LCLAT1: variants seen among roughly 807,000 people sequenced by gnomAD.
LCLAT1 encodes the protein lysocardiolipin acyltransferase 1, also known as 1-AGP acyltransferase 8.
LCLAT1 carries 11 observed loss-of-function variants against 30.7 expected under a neutral mutation model. The ratio of observed to expected loss-of-function variants is 0.36; its 90% CI spans 0.23 to 0.59. The LOEUF is 0.59. Ranked by LOEUF, LCLAT1 falls within the 20% of genes least tolerant of loss-of-function variation. LCLAT1 has a pLI of 0.77. For synonymous variants in LCLAT1, 155 were observed against 151.3 expected (o/e 1.02, Z -0.18); for missense variants, 402 against 458.6 (o/e 0.88, Z 1.13).
intron 1 of LCLAT1, among the ~76,000 whole-genome samples, chr2:30,475,885 A>G (rs942340677): frequency 1.3e-5 from 2 of 152,170 alleles, no homozygotes; most frequent in African/African-American, 2.4e-5. Flanking sequence ...TTCTCTCTCT[A>G]TAAGTGTTCA....
At chr2:30,619,228 T>A (rs1249860434) in intron 5 of LCLAT1, among the ~76,000 whole-genome samples, 1 of 152,176 alleles carries the variant, frequency 6.6e-6, no homozygotes, top group African/African-American at 2.4e-5. Flanking sequence ...TTATAGACAC[T>A]AGAACTAGAT....
intron 1 of LCLAT1, among the ~76,000 whole-genome samples, chr2:30,462,138 TA>T (rs988711523): frequency 3.3e-5 from 5 of 152,314 alleles, no homozygotes; most frequent in African/African-American, 1.2e-4. Flanking sequence ...TACTGTAGGA[TA>T]AAACCCATTA....
chr2:30,462,067 C>T (rs962958327), intron 1 of LCLAT1, among the ~76,000 whole-genome samples: 5 of 152,246 alleles, frequency 3.3e-5, no homozygotes, highest in African/African-American at 4.8e-5. Flanking sequence ...CCACCGCGCC[C>T]GGCCTAAATT....
At chr2:30,604,504 A>G (rs1435297884) in intron 5 of LCLAT1, among the ~76,000 whole-genome samples, 1 of 152,104 alleles carries the variant, frequency 6.6e-6, no homozygotes, top group African/African-American at 2.4e-5. Context: ...AACTTTATTT[A>G]TGGACATTGA....
chr2:30,570,501 A>G (rs1430222219), intron 5 of LCLAT1, among the ~76,000 whole-genome samples: 1 of 152,222 alleles, frequency 6.6e-6, no homozygotes, highest in East Asian at 1.9e-4. Context: ...TGTACATGGT[A>G]GTTATAAATA....
At chr2:30,512,572 C>G (rs1204876110) in intron 1 of LCLAT1, among the ~76,000 whole-genome samples, 1 of 152,168 alleles carries the variant, frequency 6.6e-6, no homozygotes, top group Non-Finnish European at 1.5e-5. Context: ...TACTATGCCC[C>G]TCTGTTGAAA....
chr2:30,639,375 C>G (rs1296435486), intron 5 of LCLAT1, among the ~76,000 whole-genome samples: 1 of 27,266 alleles, frequency 3.7e-5, no homozygotes, highest in Non-Finnish European at 6.4e-5. Flanking sequence ...ATCTAGCACT[C>G]TGGCCTGTTT....
chr2:30,498,318 C>T (rs1205574305), intron 1 of LCLAT1, among the ~76,000 whole-genome samples: 1 of 152,160 alleles, frequency 6.6e-6, no homozygotes, highest in Non-Finnish European at 1.5e-5. Context: ...AGGCTAGGCC[C>T]AGGACCTTGG....
chr2:30,565,233 G>A (rs927340265), intron 4 of LCLAT1, among the ~76,000 whole-genome samples: 28 of 152,246 alleles, frequency 1.8e-4, no homozygotes, highest in African/African-American at 6.5e-4. Context: ...GTAGGGTAGG[G>A]TGGCAGAGTG....
chr2:30,493,879 C>T (rs375668105), intron 1 of LCLAT1, among the ~76,000 whole-genome samples: 1 of 152,018 alleles, frequency 6.6e-6, no homozygotes, highest in African/African-American at 2.4e-5. Context: ...TTTGACTGGG[C>T]GAAGTGGCTC....
At chr2:30,501,736 C>T (rs1226624448) in intron 1 of LCLAT1, among the ~76,000 whole-genome samples, 4 of 152,084 alleles carry the variant, frequency 2.6e-5, no homozygotes, top group Non-Finnish European at 5.9e-5. Context: ...ATTACTTGTC[C>T]AGTCAAATCA....
chr2:30,544,629 C>T (rs991471837), intron 3 of LCLAT1, among the ~76,000 whole-genome samples: 1 of 152,076 alleles, frequency 6.6e-6, no homozygotes, highest in African/African-American at 2.4e-5. Flanking sequence ...GGGCTAGAGT[C>T]CTTCTCAACT....
intron 5 of LCLAT1, among the ~76,000 whole-genome samples, chr2:30,598,409 ATTTTCT>A (rs1253165851): frequency 2.7e-4 from 35 of 129,340 alleles, no homozygotes; most frequent in Non-Finnish European, 4.6e-4. Flanking sequence ...TTTCTTCTAG[ATTTTCT>A]TTTTTTTTTT....
At chr2:30,453,190 T>C (rs1681649886) in intron 1 of LCLAT1, among the ~76,000 whole-genome samples, 2 of 152,126 alleles carry the variant, frequency 1.3e-5, no homozygotes, top group African/African-American at 4.8e-5. Flanking sequence ...GGATAGCATG[T>C]TGTTGAGCTG....
intron 5 of LCLAT1, among the ~76,000 whole-genome samples, chr2:30,585,949 G>A (rs1160323771): frequency 6.6e-6 from 1 of 152,044 alleles, no homozygotes; most frequent in Non-Finnish European, 1.5e-5. Context: ...CATAAACTAG[G>A]TTGCTTAAAA....
chr2:30,588,032 A>G (rs1017522462), intron 5 of LCLAT1, among the ~76,000 whole-genome samples: 2 of 152,204 alleles, frequency 1.3e-5, no homozygotes, highest in African/African-American at 2.4e-5. Context: ...ATTTCCAAGT[A>G]TTTCTGTCTC....
intron 5 of LCLAT1, among the ~76,000 whole-genome samples, chr2:30,597,367 C>A (rs1254798655): frequency 6.6e-6 from 1 of 152,058 alleles, no homozygotes; most frequent in Admixed American, 6.6e-5. Context: ...ACTTCCCTCG[C>A]TAGCTGTATT....
In LCLAT1 at chr2:30,467,003, A is replaced by G. The variant is rs373175887; in HGVS notation, c.-5+19620A>G. ...TGTGCACAACGTGCAGGTTTGTTAC[A>G]TATGTATACATGTGCCATGTTGGTG... is the stretch of plus-strand genomic sequence containing the variant. On this transcript the variant is annotated intron_variant, in intron 1 of 5. Coordinates refer to ENST00000379509, the MANE Select transcript of LCLAT1 (RefSeq NM_001002257.3). 2.8e-4 allele frequency among the ~76,000 whole-genome samples: 42 copies of G among 152,222 alleles called. 1 individual carries two copies. In the East Asian group the frequency reaches 6.6e-3, roughly 24 times the overall value.
intron 3 of LCLAT1, among the ~76,000 whole-genome samples, chr2:30,536,370 A>G (rs186093419): frequency 1.2e-3 from 190 of 152,376 alleles, no homozygotes; most frequent in Middle Eastern, 3.4e-3. Context: ...TCAAGAGAGA[A>G]TTCTATGAAC....
Sources: gnomAD v4.1 joint callset for allele counts (sites outside exome capture counted in the v4.1 genomes callset) on GRCh38, gnomAD v4.1.1 for gene constraint, MANE v1.5 for transcripts, NCBI Gene and HGNC (gene_info 2026-07-23, HGNC 2026-07-21) for gene names.